Variants in KBTBD11 observed in about 807,000 individuals in gnomAD.
KBTBD11 encodes kelch repeat and BTB domain-containing protein 11.
For missense variants in KBTBD11, 1,390 were observed against 1,001.8 expected, an observed-to-expected ratio of 1.39 and a Z score of -5.23; for synonymous variants, 747 against 499.0, an observed-to-expected ratio of 1.50 and a Z score of -6.63.
intron 1 of KBTBD11, among the ~76,000 whole-genome samples, chr8:1,983,296 A>G (rs943188472): frequency 6.6e-6 from 1 of 152,204 alleles, no homozygotes; most frequent in African/African-American, 2.4e-5. Context: ...CATCTAGGCC[A>G]GGTCATCACA....
At chr8:1,974,624 G>A (rs1413128120) in intron 1 of KBTBD11, 18 of 985,084 alleles carry the variant, frequency 1.8e-5, no homozygotes, top group Non-Finnish European at 2.2e-5. Context: ...ACCGCGCCGC[G>A]GCTCCCGAGT....
rs1211908637 is a variant in KBTBD11, at chr8:2,001,046, A to G, written c.-147A>G. 19 of 1,126,788 alleles carry G rather than the reference A, an allele frequency of 1.7e-5. No individual in the cohort carries two copies. In the East Asian group the frequency reaches 6.1e-4, roughly 36 times the overall value. The allele number at this position is 1,126,788 out of a possible 1,614,324, so 69.8% of individuals were successfully genotyped here. A position where few individuals can be genotyped will look rare whatever the true frequency, so the allele number is the denominator to read the frequency against. ...AGATTCCCCCCTTCACACACACAAC[A>G]ACAAAGCGTGGACACACAGAAGTGA... On this transcript the variant is annotated 5_prime_UTR_variant, in exon 2 of 2. Transcript: ENST00000320248.
Position 2,002,305 on chromosome 8 carries a change from C to T in KBTBD11, c.1113C>T (p.Gly371=), listed in dbSNP as rs895255006. Residue 371 remains glycine (G), a synonymous_variant, in exon 2 of 2, where the codon GGC becomes GGT. Coordinates refer to ENST00000320248, the MANE Select transcript of KBTBD11 (RefSeq NM_014867.3). The surrounding 1 kb of genome is among the most constrained non-coding windows in gnomAD (Gnocchi z 4.1). ...LFVAGGVAPA[G]PDGRARPSDQ... ...TGGCGGGCGGCGTGGCGCCCGCGGG[C>T]CCCGACGGCCGCGCGCGCCCGTCCG... is the stretch of plus-strand genomic sequence containing the variant. 39 of 1,352,616 alleles carry T rather than the reference C, an allele frequency of 2.9e-5. No individual in the cohort carries two copies. The African/African-American group carries it at 5.0e-4, about 17-fold the overall frequency. 83.8% of individuals were successfully genotyped at this position (1,352,616 alleles called of 1,614,324 possible).
chr8:1,999,377 T>G (rs773273343), intron 1 of KBTBD11, among the ~76,000 whole-genome samples: 7 of 152,218 alleles, frequency 4.6e-5, no homozygotes, highest in Non-Finnish European at 1.0e-4. Flanking sequence ...ACACGCATTC[T>G]GTATAAAGAT....
chr8:2,006,217 G>A lies in KBTBD11; in HGVS notation c.*3153G>A, dbSNP rs749439618. ...TGTCACTTCAGTAATTCTGGTAGCA[G>A]CCGTTGAATCTGTCAGTCTCTTAGG... On this transcript the variant is annotated 3_prime_UTR_variant, in exon 2 of 2. Coordinates refer to ENST00000320248, the MANE Select transcript of KBTBD11 (RefSeq NM_014867.3). 1.8e-5 allele frequency: 3 copies of A among 167,102 alleles called. No individual in the cohort carries two copies. Among genetic ancestry groups the A allele is most frequent in the African/African-American group, 4.8e-5 (2 of 41,474 alleles). 10.4% of individuals were successfully genotyped at this position (167,102 alleles called of 1,614,324 possible).
At chr8:1,976,993 C>A (rs1816368930) in intron 1 of KBTBD11, among the ~76,000 whole-genome samples, 1 of 152,124 alleles carries the variant, frequency 6.6e-6, no homozygotes, top group African/African-American at 2.4e-5. Flanking sequence ...GCAAGGTCCT[C>A]CAACCCATGG....
At chr8:1,992,508 A>G (rs1234849695) in intron 1 of KBTBD11, among the ~76,000 whole-genome samples, 1 of 151,984 alleles carries the variant, frequency 6.6e-6, no homozygotes, top group Non-Finnish European at 1.5e-5. Flanking sequence ...AGGTACCTGG[A>G]GAGATTTCCC....
intron 1 of KBTBD11, among the ~76,000 whole-genome samples, chr8:1,995,661 T>C (rs1035798363): frequency 5.3e-5 from 8 of 152,080 alleles, no homozygotes; most frequent in African/African-American, 1.4e-4. Flanking sequence ...CATTTGGGCC[T>C]GGAGAGGAAA....
Position 2,002,939 on chromosome 8 carries a change from G to T in KBTBD11, c.1747G>T (p.Gly583Cys). ...GCCTGCCCGGGAAGGCGAGGCCGGC[G>T]GCGACGCAGGCCAGGGCGGCGGCTT... ...FQPAREGEAGGDAGQGGGFEA... is the reference protein window; with the variant it reads ...FQPAREGEAGCDAGQGGGFEA... The change falls in exon 2 of 2, where the codon GGC becomes TGC. Residue 583 changes from glycine to cysteine, a missense_variant. Gly to Cys is a radical substitution (Grantham distance 159, BLOSUM62 -3). Coordinates refer to ENST00000320248, the MANE Select transcript of KBTBD11 (RefSeq NM_014867.3). The surrounding 1 kb of genome is among the most constrained non-coding windows in gnomAD (Gnocchi z 4.1). The T allele has an allele frequency of 7.6e-7, 1 of 1,322,074 alleles. No individual in the cohort carries two copies. Among genetic ancestry groups the T allele is most frequent in the Non-Finnish European group, 9.6e-7 (1 of 1,038,610 alleles). The allele number at this position is 1,322,074 out of a possible 1,614,324, so 81.9% of individuals were successfully genotyped here. A position where few individuals can be genotyped will look rare whatever the true frequency, so the allele number is the denominator to read the frequency against.
intron 1 of KBTBD11, among the ~76,000 whole-genome samples, chr8:1,994,859 G>A (rs1817073308): frequency 6.6e-6 from 1 of 152,112 alleles, no homozygotes; most frequent in South Asian, 2.1e-4. Flanking sequence ...AGGAATTCGA[G>A]ACCAGCCTGA....
At chr8:1,980,558 G>A (rs529805106) in intron 1 of KBTBD11, among the ~76,000 whole-genome samples, 4 of 152,324 alleles carry the variant, frequency 2.6e-5, no homozygotes, top group African/African-American at 9.6e-5. Context: ...GCTCCATGAA[G>A]CTACAGCCTC....
At position 1,995,039 on chromosome 8, in the gene KBTBD11, A is replaced by G. The variant is rs941242727; in HGVS notation, c.-908-5246A>G. On this transcript the variant is annotated intron_variant, in intron 1 of 1. Transcript: ENST00000320248. Reference sequence around the variant, plus strand: ...GTGCCATTGCACTACAGCCTGGGGAACAAGGGTGAGACTCTTGTCTCAAAA... The same window carrying G: ...GTGCCATTGCACTACAGCCTGGGGAGCAAGGGTGAGACTCTTGTCTCAAAA... 3.6e-5 allele frequency among the ~76,000 whole-genome samples: 5 copies of G among 139,494 alleles called. No individual in the cohort carries two copies. In the East Asian group the frequency reaches 1.1e-3, roughly 31 times the overall value. 91.5% of individuals were successfully genotyped at this position (139,494 alleles called of 152,430 possible).
At position 2,000,912 on chromosome 8, in the gene KBTBD11, A is replaced by T; in HGVS notation, c.-281A>T. The T allele has an allele frequency of 2.7e-6, 1 of 370,684 alleles. No individual in the cohort carries two copies. 23.0% of individuals were successfully genotyped at this position (370,684 alleles called of 1,614,324 possible). On this transcript the variant is annotated 5_prime_UTR_variant, in exon 2 of 2. Coordinates refer to ENST00000320248, the MANE Select transcript of KBTBD11 (RefSeq NM_014867.3). Reference sequence around the variant, plus strand: ...GCCAGCTGGAGATCCATTCACCAAGACTTTCTGGGCAGATTTAAAGTGGCT... The same window carrying T: ...GCCAGCTGGAGATCCATTCACCAAGTCTTTCTGGGCAGATTTAAAGTGGCT...
intron 1 of KBTBD11, among the ~76,000 whole-genome samples, chr8:1,992,471 G>A (rs1246040445): frequency 6.6e-6 from 1 of 152,016 alleles, no homozygotes; most frequent in Non-Finnish European, 1.5e-5. Context: ...AAGCGGGGGT[G>A]GGGTGGGAAA....
Position 2,001,783 on chromosome 8 carries a change from G to A in KBTBD11, c.591G>A (p.Ala197=). 5 of 1,266,744 alleles carry A rather than the reference G, an allele frequency of 3.9e-6. No homozygotes were observed. The highest frequency in any genetic ancestry group is 5.0e-6 in the Non-Finnish European group (5 of 1,009,524). The allele number at this position is 1,266,744 out of a possible 1,614,324, so 78.5% of individuals were successfully genotyped here. Residue 197 remains alanine (A), a synonymous_variant, in exon 2 of 2, where the codon GCG becomes GCA. Transcript: ENST00000320248. ...CCGACGCCTACAGCGGGCGCATGGC[G>A]GGCGTGCGGCCCGACAACGTGGCCG... ...LLADAYSGRM[A]GVRPDNVAEV... is the part of the protein sequence containing the mutation.
At chr8:1,990,469 GAT>G (rs2129312529) in intron 1 of KBTBD11, among the ~76,000 whole-genome samples, 1 of 121,306 alleles carries the variant, frequency 8.2e-6, no homozygotes, top group Admixed American at 7.9e-5. Context: ...TGTCCGGGTA[GAT>G]GCTGCTGGGA....
At chr8:1,993,960 A>ACACAC (rs1817037341) in intron 1 of KBTBD11, among the ~76,000 whole-genome samples, 1 of 71,742 alleles carries the variant, frequency 1.4e-5, no homozygotes, top group South Asian at 8.0e-4. Context: ...CACACACACA[A>ACACAC]AACCCCATAG....
chr8:2,002,760 G>A lies in KBTBD11; in HGVS notation c.1568G>A (p.Ser523Asn). The change falls in exon 2 of 2, where the codon AGC becomes AAC. Residue 523 changes from serine (S) to asparagine (N), a missense_variant. By Grantham distance (46) the Ser-to-Asn change is conservative. Transcript: ENST00000320248. This position sits in a 1 kb window ranked among gnomAD's most constrained non-coding sequence, Gnocchi z 4.1. ...EAQAAGPSGV[S>N]VSRYHCLAKQ... ...CAGGCGGCGGGGCCGAGCGGGGTCAGCGTGTCCCGATACCACTGCCTGGCC... is the reference window on the plus strand; with the variant it reads ...CAGGCGGCGGGGCCGAGCGGGGTCAACGTGTCCCGATACCACTGCCTGGCC... 2.0e-6 allele frequency: 3 copies of A among 1,487,222 alleles called. No homozygotes were observed. Among genetic ancestry groups the A allele is most frequent in the Non-Finnish European group, 2.7e-6 (3 of 1,126,114 alleles). 92.1% of individuals were successfully genotyped at this position (1,487,222 alleles called of 1,614,324 possible).
In KBTBD11 at chr8:2,002,519, C is replaced by A. The variant is rs749222981; in HGVS notation, c.1327C>A (p.Arg443=). ...DRWAPVAPLP[R]GAFAVAHEAT... is the part of the protein sequence containing the mutation. ...CTGGGCCCCCGTGGCGCCGCTGCCC[C>A]GGGGCGCCTTCGCCGTGGCGCATGA... Residue 443 remains arginine (R), a synonymous_variant, in exon 2 of 2, where the codon CGG becomes AGG. Coordinates refer to ENST00000320248, the MANE Select transcript of KBTBD11 (RefSeq NM_014867.3). The surrounding 1 kb of genome is among the most constrained non-coding windows in gnomAD (Gnocchi z 4.1). 3 of 1,528,072 alleles carry A rather than the reference C, an allele frequency of 2.0e-6. No individual in the cohort carries two copies. The highest frequency in any genetic ancestry group is 2.5e-5 in the East Asian group (1 of 39,824). The allele number at this position is 1,528,072 out of a possible 1,614,324, so 94.7% of individuals were successfully genotyped here.
Sources: allele counts gnomAD v4.1 joint callset (sites outside exome capture counted in the v4.1 genomes callset), GRCh38; gene constraint gnomAD v4.1.1; non-coding constraint Gnocchi (gnomAD v3.1); transcripts MANE v1.5; gene names NCBI Gene and HGNC (gene_info 2026-07-23, HGNC 2026-07-21).